SMC1B: variants seen among roughly 807,000 people sequenced by gnomAD.
The protein encoded by SMC1B is structural maintenance of chromosomes protein 1B.
In SMC1B, 60 loss-of-function variants were observed where a neutral mutation model predicts 157.9. The observed-to-expected ratio is 0.38, with a 90% CI of 0.31 to 0.47. The LOEUF is 0.47. Among genes scored for constraint, SMC1B ranks in the 20% least tolerant of loss-of-function variants. The pLI is 0.99. For missense variants in SMC1B, 1,165 were observed against 1,426.2 expected, an observed-to-expected ratio of 0.82 and a Z score of 2.95; for synonymous variants, 445 against 483.0, an observed-to-expected ratio of 0.92 and a Z score of 1.03.
chr22:45,388,420 G>GA (rs776785119), intron 10 of SMC1B, among the ~76,000 whole-genome samples: 12 of 151,994 alleles, frequency 7.9e-5, no homozygotes, highest in African/African-American at 1.4e-4. Context: ...GTTTGTCTTG[G>GA]AAAAAACCTC....
In SMC1B at chr22:45,393,812, T is replaced by G; in HGVS notation, c.1367A>C (p.Glu456Ala). 6.2e-7 allele frequency: 1 copy of G among 1,611,602 alleles called. No homozygotes were observed. The highest frequency in any genetic ancestry group is 8.5e-7 in the Non-Finnish European group (1 of 1,178,766). The change falls in exon 9 of 25, where the codon GAG (glutamate) becomes GCG (alanine). Residue 456 changes from glutamate to alanine, a missense_variant. Coordinates refer to ENST00000357450, the MANE Select transcript of SMC1B (RefSeq NM_148674.5). ...TTCAATTTCATCCACTAGGGTTTCC[T>G]CTTGCTGTTTTTTCTCTTTCAAGCA... The part of the protein sequence containing the change: ...MDCLKEKKQQ[E>A]ETLVDEIEKT...
intron 19 of SMC1B, among the ~76,000 whole-genome samples, chr22:45,358,493 G>T (rs1042168304): frequency 8.5e-5 from 13 of 152,184 alleles, no homozygotes; most frequent in Non-Finnish European, 1.8e-4. Context: ...CAAAGAATTA[G>T]AGAATTGCTT....
intron 21 of SMC1B, among the ~76,000 whole-genome samples, chr22:45,353,235 C>A (rs28599965): frequency 6.8e-6 from 1 of 146,306 alleles, no homozygotes; most frequent in Admixed American, 6.9e-5. Context: ...GCATTCCAGC[C>A]TGGGCAACAG....
intron 4 of SMC1B, among the ~76,000 whole-genome samples, chr22:45,402,985 T>C (rs749324488): frequency 2.0e-5 from 3 of 152,362 alleles, no homozygotes; most frequent in Middle Eastern, 3.4e-3. Flanking sequence ...CTACAGGAAG[T>C]AGTTTTTCTA....
chr22:45,413,210 T>A (rs886104652), intron 1 of SMC1B, among the ~76,000 whole-genome samples: 1 of 150,038 alleles, frequency 6.7e-6, no homozygotes, highest in Non-Finnish European at 1.5e-5. Context: ...GGTCAGGACC[T>A]CCGAGGTGGG....
intron 15 of SMC1B, among the ~76,000 whole-genome samples, chr22:45,365,161 A>G (rs2086763431): frequency 6.6e-6 from 1 of 151,892 alleles, no homozygotes; most frequent in Non-Finnish European, 1.5e-5. Context: ...TTCTATCCAC[A>G]TTCATTCCGT....
chr22:45,353,012 T>C (rs1469817439), intron 21 of SMC1B, among the ~76,000 whole-genome samples: 2 of 152,208 alleles, frequency 1.3e-5, no homozygotes, highest in African/African-American at 4.8e-5. Flanking sequence ...GACTCATGCC[T>C]GTAATCCCAG....
chr22:45,353,702 G>A (rs2086637416), intron 21 of SMC1B, among the ~76,000 whole-genome samples: 1 of 151,736 alleles, frequency 6.6e-6, no homozygotes, highest in Non-Finnish European at 1.5e-5. Flanking sequence ...AAGAGAATTT[G>A]GAAACAAAAT....
intron 11 of SMC1B, among the ~76,000 whole-genome samples, chr22:45,385,449 T>G (rs2086980415): frequency 6.6e-6 from 1 of 152,122 alleles, no homozygotes; most frequent in Non-Finnish European, 1.5e-5. Flanking sequence ...TCTATCCAAT[T>G]GTTTGACCCA....
In SMC1B at chr22:45,372,301, A is replaced by T. The variant is rs1210040784; in HGVS notation, c.2059-9T>A. The T allele has an allele frequency of 6.4e-7, 1 of 1,568,172 alleles. No homozygotes were observed. The highest frequency in any genetic ancestry group is 1.4e-5 in the African/African-American group (1 of 72,320). Reference sequence around the variant, plus strand: ...AGTGTCTTCATTAAACCCTAAAAGGAAAGAAAAACATGAGAATATTTTATG... The same window carrying T: ...AGTGTCTTCATTAAACCCTAAAAGGTAAGAAAAACATGAGAATATTTTATG... On this transcript the variant is annotated splice_polypyrimidine_tract_variant and intron_variant, in intron 12 of 24. Coordinates refer to ENST00000357450, the MANE Select transcript of SMC1B (RefSeq NM_148674.5).
chr22:45,388,663 T>A (rs1046196179), intron 10 of SMC1B, among the ~76,000 whole-genome samples: 1 of 151,896 alleles, frequency 6.6e-6, no homozygotes, highest in African/African-American at 2.4e-5. Context: ...TTTCCACACA[T>A]GGAAAACTGA....
chr22:45,377,603 C>T lies in SMC1B; in HGVS notation c.2059-5311G>A, dbSNP rs572909905. On this transcript the variant is annotated intron_variant, in intron 12 of 24. Coordinates refer to ENST00000357450, the MANE Select transcript of SMC1B (RefSeq NM_148674.5). ...CAGTGAGCCAAGATCACCCACTGTACTCTAGCCTGGGCAACAGAGTGAGAC... is the reference window on the plus strand; with the variant it reads ...CAGTGAGCCAAGATCACCCACTGTATTCTAGCCTGGGCAACAGAGTGAGAC... Among the ~76,000 whole-genome samples, 109 of 150,554 alleles carry T rather than the reference C, an allele frequency of 7.2e-4. 1 individual carries two copies. The highest frequency in any genetic ancestry group is 1.2e-3 in the Non-Finnish European group (82 of 67,778).
chr22:45,400,207 G>A (rs989826385), intron 5 of SMC1B, among the ~76,000 whole-genome samples: 5 of 152,172 alleles, frequency 3.3e-5, no homozygotes, highest in Non-Finnish European at 5.9e-5. Flanking sequence ...TCCTAATACT[G>A]TTCTCCGATA....
chr22:45,396,618 C>T (rs769312655), intron 6 of SMC1B, 132 bp from the exon 7 acceptor site: 24 of 551,458 alleles, frequency 4.4e-5, no homozygotes, highest in African/African-American at 5.9e-5. Flanking sequence ...AAATCATAAT[C>T]GACCACCTTC....
At chr22:45,389,121 C>T (rs1339060784) in intron 10 of SMC1B, among the ~76,000 whole-genome samples, 1 of 151,770 alleles carries the variant, frequency 6.6e-6, no homozygotes, top group African/African-American at 2.4e-5. Flanking sequence ...GTGCTCTTAA[C>T]TATTACGCAG....
At chr22:45,374,494 A>C (rs984589790) in intron 12 of SMC1B, among the ~76,000 whole-genome samples, 2 of 152,214 alleles carry the variant, frequency 1.3e-5, no homozygotes, top group African/African-American at 4.8e-5. Context: ...ATGTTTCAAA[A>C]ACTAGTACAC....
At chr22:45,402,611 G>A (rs1424446497) in intron 4 of SMC1B, 40 bp from the exon 5 acceptor site, 3 of 1,436,518 alleles carry the variant, frequency 2.1e-6, no homozygotes, top group Non-Finnish European at 2.9e-6. Flanking sequence ...AAAAGGGAGT[G>A]TATTTAAGTT....
At chr22:45,382,970 C>T (rs1478460809) in intron 12 of SMC1B, among the ~76,000 whole-genome samples, 2 of 152,000 alleles carry the variant, frequency 1.3e-5, no homozygotes, top group African/African-American at 4.8e-5. Flanking sequence ...CCCGTCTCTA[C>T]TAAAAATACA....
chr22:45,367,728 A>C (rs1366670676), intron 15 of SMC1B, among the ~76,000 whole-genome samples: 1 of 152,198 alleles, frequency 6.6e-6, no homozygotes, highest in African/African-American at 2.4e-5. Context: ...CACTCTTTCC[A>C]GGGTAGTAAC....
Sources: gnomAD v4.1 joint callset for allele counts (sites outside exome capture counted in the v4.1 genomes callset) on GRCh38, gnomAD v4.1.1 for gene constraint, MANE v1.5 for transcripts, NCBI Gene and HGNC (gene_info 2026-07-23, HGNC 2026-07-21) for gene names.